The following FBXO47 variants were observed in gnomAD, a reference collection of about 807,000 sequenced individuals.
The protein encoded by FBXO47 is F-box protein 47.
A neutral mutation model predicts 53.9 loss-of-function variants in FBXO47; 34 were observed. The observed-to-expected ratio is 0.63, with a 90% CI of 0.48 to 0.84. The LOEUF is 0.84. Ranked by LOEUF, FBXO47 falls within the 40% of genes least tolerant of loss-of-function variation. The pLI, the probability that FBXO47 is intolerant of heterozygous loss-of-function variation, is 0.00. For synonymous variants in FBXO47, 165 were observed against 181.6 expected, an observed-to-expected ratio of 0.91 and a Z score of 0.73; for missense variants, 485 against 541.3, an observed-to-expected ratio of 0.90 and a Z score of 1.03.
At chr17:38,943,550 T>C (rs1269495307) in intron 8 of FBXO47, 40 bp downstream of exon 8, 6 of 1,303,720 alleles carry the variant, frequency 4.6e-6, no homozygotes, top group Admixed American at 2.6e-5. Flanking sequence ...ATTTTAACAA[T>C]AAATTTCTAT....
chr17:38,951,653 G>A lies in FBXO47; in HGVS notation c.544C>T (p.Arg182Cys), dbSNP rs759147995. The A allele has an allele frequency of 6.8e-6, 11 of 1,613,894 alleles. No individual in the cohort carries two copies. Among genetic ancestry groups the A allele is most frequent in the African/African-American group, 1.3e-5 (1 of 75,016 alleles). The part of the protein sequence containing the change: ...TAGWDELECH[R>C]VYNFLCELTN... ...AGTTCGCATAAGAAATTATAAACGC[G>A]ATGGCACTCAAGTTCATCCCAACCT... The change falls in exon 6 of 11, where the codon CGC becomes TGC. Residue 182 changes from arginine (R) to cysteine (C), a missense_variant. Physicochemically the swap from Arg to Cys is radical, Grantham distance 180. Coordinates refer to ENST00000378079, the MANE Select transcript of FBXO47 (RefSeq NM_001008777.3).
At position 38,954,841 on chromosome 17, in the gene FBXO47, T is replaced by C. The variant is rs1162065245; in HGVS notation, c.507+15A>G. ...CAAAGGTATCCCTTTTCTTCTCTGATTAAAAAAAATGTACCTGTAAAAACA... is the reference window on the plus strand; with the variant it reads ...CAAAGGTATCCCTTTTCTTCTCTGACTAAAAAAAATGTACCTGTAAAAACA... On this transcript the variant is annotated intron_variant, in intron 5 of 10. Transcript: ENST00000378079. 3 of 1,549,540 alleles carry C rather than the reference T, an allele frequency of 1.9e-6. No individual in the cohort carries two copies. Among genetic ancestry groups the C allele is most frequent in the Admixed American group, 1.8e-5 (1 of 56,956 alleles).
intron 1 of FBXO47, among the ~76,000 whole-genome samples, chr17:38,964,441 C>T (rs759654614): frequency 3.3e-5 from 5 of 152,010 alleles, no homozygotes; most frequent in Non-Finnish European, 7.4e-5. Context: ...ACAAAAAATA[C>T]AAAAATTAGC....
intron 6 of FBXO47, among the ~76,000 whole-genome samples, chr17:38,950,675 G>T (rs927041636): frequency 3.3e-5 from 5 of 151,828 alleles, no homozygotes; most frequent in South Asian, 4.2e-4. Flanking sequence ...TCGATATAAG[G>T]TTCTATAATT....
intron 3 of FBXO47, among the ~76,000 whole-genome samples, chr17:38,961,585 G>A (rs1198498517): frequency 2.0e-5 from 3 of 152,156 alleles, no homozygotes; most frequent in East Asian, 1.9e-4. Flanking sequence ...AGGAAGTGAC[G>A]CATAGAAAAT....
chr17:38,946,479 T>C (rs1261119758), intron 6 of FBXO47, among the ~76,000 whole-genome samples: 1 of 89,002 alleles, frequency 1.1e-5, no homozygotes, highest in Non-Finnish European at 1.8e-5. Flanking sequence ...TATATATAAC[T>C]ATATAAATAT....
Position 38,951,632 on chromosome 17 carries a change from C to T in FBXO47, c.565G>A (p.Glu189Lys), listed in dbSNP as rs138884333. The change falls in exon 6 of 11, where the codon GAA becomes AAA. Residue 189 changes from glutamate (E) to lysine (K), a missense_variant. Glu to Lys is a moderately conservative substitution (Grantham distance 56, BLOSUM62 1). Transcript: ENST00000378079. ...ATCTTGCGGCAGAGATTAGTCAGTT[C>T]GCATAAGAAATTATAAACGCGATGG... ...ECHRVYNFLCELTNLCRKIQM... is the reference protein window; with the variant it reads ...ECHRVYNFLCKLTNLCRKIQM... 1.5e-5 allele frequency: 24 copies of T among 1,613,892 alleles called. No homozygotes were observed. Among genetic ancestry groups the T allele is most frequent in the East Asian group, 2.2e-5 (1 of 44,896 alleles).
At chr17:38,952,815 C>CTTTTTTT (rs139105548) in intron 5 of FBXO47, among the ~76,000 whole-genome samples, 7 of 115,356 alleles carry the variant, frequency 6.1e-5, no homozygotes, top group African/African-American at 1.6e-4. Context: ...TTATTTATGA[C>CTTTTTTT]TTTTTTTTTT....
At chr17:38,941,634 A>ATATG (rs1299395513) in intron 9 of FBXO47, among the ~76,000 whole-genome samples, 21 of 144,432 alleles carry the variant, frequency 1.5e-4, no homozygotes, top group Non-Finnish European at 2.9e-4. Flanking sequence ...ATATATATAT[A>ATATG]TATATATATA....
intron 6 of FBXO47, among the ~76,000 whole-genome samples, chr17:38,946,171 T>TAA (rs1355684287): frequency 3.5e-5 from 4 of 112,792 alleles, no homozygotes; most frequent in Admixed American, 1.1e-4. Context: ...TATAAATATA[T>TAA]AAAAATATAT....
intron 6 of FBXO47, among the ~76,000 whole-genome samples, chr17:38,946,901 TATAA>T (rs1446636434): frequency 1.7e-5 from 2 of 118,730 alleles, no homozygotes; most frequent in East Asian, 2.4e-4. Flanking sequence ...TATAAACATA[TATAA>T]ATATATATAA....
chr17:38,946,523 AAT>A (rs1332474803), intron 6 of FBXO47, among the ~76,000 whole-genome samples: 1 of 80,896 alleles, frequency 1.2e-5, no homozygotes, highest in African/African-American at 5.1e-5. Context: ...AATATATATG[AAT>A]ATATATAACT....
chr17:38,963,849 T>C (rs1598150971), intron 1 of FBXO47, among the ~76,000 whole-genome samples: 1 of 141,206 alleles, frequency 7.1e-6, no homozygotes, highest in African/African-American at 2.6e-5. Flanking sequence ...CAGGCTGGAG[T>C]GCAGTGGCAT....
chr17:38,962,943 GAATAACAGC>G lies in FBXO47; in HGVS notation c.74_82del (p.Ser25_Ser28delinsThr). On this transcript the variant is annotated inframe_deletion, in exon 2 of 11. Transcript: ENST00000378079. ...TTGAAAGCCTGAGCCAAGGGTCTTG[GAATAACAGC>G]TGGTTTGACGATTACTACGTCTAAG... 6.2e-7 allele frequency: 1 copy of G among 1,613,456 alleles called. No homozygotes were observed. Among genetic ancestry groups the G allele is most frequent in the Non-Finnish European group, 8.5e-7 (1 of 1,179,524 alleles).
chr17:38,964,740 T>A (rs1376143924), intron 1 of FBXO47, among the ~76,000 whole-genome samples: 2 of 152,180 alleles, frequency 1.3e-5, no homozygotes, highest in Non-Finnish European at 2.9e-5. Context: ...GGCCTACGCA[T>A]CTTGATTTCA....
intron 6 of FBXO47, among the ~76,000 whole-genome samples, chr17:38,946,195 A>T (rs1170546754): frequency 3.5e-5 from 4 of 114,364 alleles, no homozygotes; most frequent in Non-Finnish European, 4.8e-5. Context: ...AATATATAAA[A>T]ATATATATAA....
Position 38,937,182 on chromosome 17 carries a change from G to C in FBXO47, c.1352C>G (p.Ser451Cys). 1 of 1,477,370 alleles carries C rather than the reference G, an allele frequency of 6.8e-7. No individual in the cohort carries two copies. Among genetic ancestry groups the C allele is most frequent in the Non-Finnish European group, 9.4e-7 (1 of 1,059,932 alleles). 91.5% of individuals were successfully genotyped at this position (1,477,370 alleles called of 1,614,324 possible). A position where few individuals can be genotyped will look rare whatever the true frequency, so the allele number is the denominator to read the frequency against. ...VLYLTMNTPL[S>C]T ...GCAAGGCTTTCTGAGGATTTAGGTA[G>C]ACAGAGGAGTATTCATGGTCAAATA... Residue 451 changes from serine to cysteine, a missense_variant, in exon 11 of 11, where the codon TCT becomes TGT. By Grantham distance (112) the Ser-to-Cys change is moderately radical (BLOSUM62 -1). Coordinates refer to ENST00000378079, the MANE Select transcript of FBXO47 (RefSeq NM_001008777.3).
intron 8 of FBXO47, 148 bp downstream of exon 8, chr17:38,943,442 A>T (rs1467256210): frequency 2.1e-6 from 1 of 487,078 alleles, no homozygotes; most frequent in East Asian, 3.5e-5. Context: ...CTCTTCAAAC[A>T]TAATGCCAAA....
chr17:38,951,839 T>C (rs931190346), intron 5 of FBXO47, 150 bp from the exon 6 acceptor site: 19 of 564,364 alleles, frequency 3.4e-5, no homozygotes, highest in Non-Finnish European at 3.8e-5. Flanking sequence ...GAGACCAGCC[T>C]GGACAACATA....
Sources: allele counts gnomAD v4.1 joint callset (sites outside exome capture counted in the v4.1 genomes callset), GRCh38; gene constraint gnomAD v4.1.1; transcripts MANE v1.5; gene names NCBI Gene and HGNC (gene_info 2026-07-23, HGNC 2026-07-21).